NRG3: variants seen among roughly 807,000 people sequenced by gnomAD.
NRG3 encodes pro-neuregulin-3, membrane-bound isoform.
A neutral mutation model predicts 66.9 loss-of-function variants in NRG3; 31 were observed. That is an observed-to-expected ratio of 0.46 (90% confidence interval 0.35 to 0.63). NRG3 has a LOEUF of 0.63. Ranked by LOEUF, NRG3 falls within the 20% of genes least tolerant of loss-of-function variation. The probability of loss-of-function intolerance (pLI) is 0.00; values close to 1 mark genes in which losing one functional copy is unlikely to be tolerated. For missense variants in NRG3, 910 were observed against 878.9 expected, an observed-to-expected ratio of 1.04 and a Z score of -0.45; for synonymous variants, 393 against 359.4, an observed-to-expected ratio of 1.09 and a Z score of -1.06.
intron 2 of NRG3, among the ~76,000 whole-genome samples, chr10:82,684,012 G>A (rs1565199947): frequency 9.4e-6 from 1 of 106,862 alleles, no homozygotes; most frequent in Non-Finnish European, 2.1e-5. Context: ...GGAATGTGCT[G>A]TGTGTATATA....
At chr10:82,392,459 G>T (rs891931347) in intron 2 of NRG3, among the ~76,000 whole-genome samples, 1 of 152,142 alleles carries the variant, frequency 6.6e-6, no homozygotes, top group Non-Finnish European at 1.5e-5. Context: ...GGTACATTAG[G>T]TTAAGGAAAT....
chr10:82,064,961 C>T (rs1404359930), intron 1 of NRG3, among the ~76,000 whole-genome samples: 5 of 152,166 alleles, frequency 3.3e-5, no homozygotes, highest in Non-Finnish European at 5.9e-5. Context: ...TTCATACATC[C>T]ATTGCCCTGT....
intron 1 of NRG3, among the ~76,000 whole-genome samples, chr10:81,993,650 T>C (rs1251669169): frequency 6.6e-6 from 1 of 152,180 alleles, no homozygotes; most frequent in Admixed American, 6.6e-5. Context: ...CCAGTCAAGA[T>C]TGTGATCCAA....
chr10:82,018,015 A>G (rs529719422), intron 1 of NRG3, among the ~76,000 whole-genome samples: 4 of 152,114 alleles, frequency 2.6e-5, no homozygotes, highest in East Asian at 1.9e-4. Context: ...TTTCTTGCCC[A>G]TGCTTATGTC....
intron 2 of NRG3, among the ~76,000 whole-genome samples, chr10:82,624,583 A>T (rs1196312093): frequency 6.6e-6 from 1 of 151,990 alleles, no homozygotes; most frequent in African/African-American, 2.4e-5. Flanking sequence ...AATATTTATC[A>T]ATTAAAATTG....
chr10:82,175,859 G>C (rs1175404987), intron 1 of NRG3, among the ~76,000 whole-genome samples: 1 of 152,086 alleles, frequency 6.6e-6, no homozygotes, highest in Non-Finnish European at 1.5e-5. Context: ...AAATTCTCTA[G>C]TTGATATATA....
chr10:82,890,457 T>C lies in NRG3; in HGVS notation c.1054+25020T>C, dbSNP rs2881959. 3.8e-3 allele frequency among the ~76,000 whole-genome samples: 586 copies of C among 152,274 alleles called. 15 individuals are homozygous for C. Among genetic ancestry groups the C allele is most frequent in the Admixed American group, 0.031 (471 of 15,288 alleles). ...ATTGTATCACCCGAACAAAACTGAC[T>C]TAGACTGATTTATTGCATATTATAT... On this transcript the variant is annotated intron_variant, in intron 4 of 8. Transcript: ENST00000372141.
intron 2 of NRG3, among the ~76,000 whole-genome samples, chr10:82,553,149 T>C (rs994791306): frequency 6.6e-5 from 10 of 152,150 alleles, no homozygotes; most frequent in African/African-American, 2.2e-4. Context: ...GTCAGGAACC[T>C]TTCTAAAATG....
chr10:82,902,436 G>A (rs2131890727), intron 4 of NRG3, among the ~76,000 whole-genome samples: 1 of 152,038 alleles, frequency 6.6e-6, no homozygotes, highest in African/African-American at 2.4e-5. Flanking sequence ...TAATAGTCAA[G>A]GGGTCTTTTG....
intron 1 of NRG3, among the ~76,000 whole-genome samples, chr10:81,962,466 T>G (rs185888015): frequency 6.6e-6 from 1 of 152,198 alleles, no homozygotes; most frequent in South Asian, 2.1e-4. Context: ...TTGACACTTT[T>G]CTGACAAAAG....
At chr10:82,518,324 T>G (rs947245082) in intron 2 of NRG3, among the ~76,000 whole-genome samples, 8 of 152,334 alleles carry the variant, frequency 5.3e-5, no homozygotes, top group Admixed American at 2.0e-4. Context: ...CTTTGCCTAA[T>G]GAATCATTTG....
chr10:82,505,898 T>G (rs760668161), intron 2 of NRG3, among the ~76,000 whole-genome samples: 18 of 151,980 alleles, frequency 1.2e-4, no homozygotes, highest in Non-Finnish European at 1.9e-4. Context: ...TTAAGAAGAG[T>G]GCTACAAGGA....
chr10:82,106,246 A>G (rs2067054738), intron 1 of NRG3, among the ~76,000 whole-genome samples: 1 of 152,070 alleles, frequency 6.6e-6, no homozygotes. Context: ...AGCCAAATGA[A>G]CCAGCTGTGG....
Position 81,964,760 on chromosome 10 carries a change from C to G in NRG3, c.823+88597C>G, listed in dbSNP as rs533519916. Among the ~76,000 whole-genome samples the G allele has an allele frequency of 5.9e-5, 9 of 152,114 alleles. 1 individual carries two copies. In the South Asian group the frequency reaches 1.9e-3, roughly 32 times the overall value. On this transcript the variant is annotated intron_variant, in intron 1 of 8. Transcript: ENST00000372141. ...CAATGATGGCTTTTTTTAATCTTTTCTGAGTTTTGCATATTTGATAGGAGA... is the reference window on the plus strand; with the variant it reads ...CAATGATGGCTTTTTTTAATCTTTTGTGAGTTTTGCATATTTGATAGGAGA...
In NRG3 at chr10:82,288,786, C is replaced by T. The variant is rs527467254; in HGVS notation, c.824-69953C>T. Among the ~76,000 whole-genome samples the T allele has an allele frequency of 3.9e-5, 6 of 152,308 alleles. No individual in the cohort carries two copies. In the East Asian group the frequency reaches 1.2e-3, roughly 29 times the overall value. On this transcript the variant is annotated intron_variant, in intron 1 of 8. Coordinates refer to ENST00000372141, the MANE Select transcript of NRG3 (RefSeq NM_001010848.4). ...TTGACATTCCTTCTGATGACTGGCACATCGGAGCATGCTGACTTATCTGCC... is the reference window on the plus strand; with the variant it reads ...TTGACATTCCTTCTGATGACTGGCATATCGGAGCATGCTGACTTATCTGCC...
At chr10:82,924,792 G>A (rs1235819297) in intron 4 of NRG3, among the ~76,000 whole-genome samples, 2 of 152,222 alleles carry the variant, frequency 1.3e-5, no homozygotes, top group East Asian at 3.9e-4. Context: ...GCTGTTCTTT[G>A]ATATCATGGA....
At chr10:82,678,006 G>A (rs2053840499) in intron 2 of NRG3, among the ~76,000 whole-genome samples, 1 of 152,124 alleles carries the variant, frequency 6.6e-6, no homozygotes, top group Admixed American at 6.5e-5. Flanking sequence ...GCTCACTTGA[G>A]GTCTTTTTCC....
chr10:81,918,500 C>T (rs1384785069), intron 1 of NRG3, among the ~76,000 whole-genome samples: 2 of 152,138 alleles, frequency 1.3e-5, no homozygotes, highest in Non-Finnish European at 2.9e-5. Context: ...CCATTTATTT[C>T]CCTATTACCC....
intron 2 of NRG3, among the ~76,000 whole-genome samples, chr10:82,370,202 C>T (rs1274512850): frequency 1.4e-5 from 2 of 138,694 alleles, no homozygotes; most frequent in South Asian, 2.2e-4. Context: ...AGAATTGGAT[C>T]ACATGCAGGC....
Sources: gnomAD v4.1 joint callset for allele counts (sites outside exome capture counted in the v4.1 genomes callset) on GRCh38, gnomAD v4.1.1 for gene constraint, MANE v1.5 for transcripts, NCBI Gene and HGNC (gene_info 2026-07-23, HGNC 2026-07-21) for gene names.